PWWP2A: variants seen among roughly 807,000 people sequenced by gnomAD.
The protein encoded by PWWP2A is PWWP domain containing 2A, also known as PWWP domain-containing protein 2A.
In PWWP2A, 18 loss-of-function variants were observed where a neutral mutation model predicts 48.5. The observed-to-expected ratio is 0.37, with a 90% CI of 0.26 to 0.55. PWWP2A has a LOEUF of 0.55. PWWP2A is among the 20% of genes least tolerant of loss of function. The pLI is 0.81. For missense variants in PWWP2A, 867 were observed against 976.4 expected (o/e 0.89, Z 1.49); for synonymous variants, 396 against 387.7 (o/e 1.02, Z -0.25).
Position 160,078,215 on chromosome 5 carries a change from A to C in PWWP2A, c.1670-47T>G. ...GAAGAAAATGTCGTTAAGCACAAGT[A>C]ATTATATGAGGAAAATGATGTCCTT... On this transcript the variant is annotated intron_variant, in intron 3 of 3. Transcript: ENST00000456329. The surrounding 1 kb of genome is among the most constrained non-coding windows in gnomAD (Gnocchi z 4.2). The C allele has an allele frequency of 7.0e-7, 1 of 1,435,232 alleles. No individual in the cohort carries two copies. The highest frequency in any genetic ancestry group is 9.6e-7 in the Non-Finnish European group (1 of 1,041,432). The allele number at this position is 1,435,232 out of a possible 1,614,324, so 88.9% of individuals were successfully genotyped here. A position where few individuals can be genotyped will look rare whatever the true frequency, so the allele number is the denominator to read the frequency against.
At chr5:160,045,509 C>CACAT in the PWWP2A span, among the ~76,000 whole-genome samples, 1 of 76,092 alleles carries the variant, frequency 1.3e-5, no homozygotes, top group Non-Finnish European at 2.6e-5. Flanking sequence ...CACACACACA[C>CACAT]ACACATACAC....
intron 2 of PWWP2A, among the ~76,000 whole-genome samples, chr5:160,084,961 A>G (rs1754512694): frequency 6.6e-6 from 1 of 151,890 alleles, no homozygotes; most frequent in Non-Finnish European, 1.5e-5. Flanking sequence ...GTACAAAATT[A>G]CCTTAAATAG....
chr5:160,050,863 C>T, the PWWP2A span, among the ~76,000 whole-genome samples: 11 of 152,038 alleles, frequency 7.2e-5, no homozygotes, highest in African/African-American at 2.2e-4. Flanking sequence ...TGAGCTCAAG[C>T]GATCCTCCCA....
rs968133506 is a variant in PWWP2A, at chr5:160,092,300, G to A, written c.*82C>T. On this transcript the variant is annotated 3_prime_UTR_variant, in exon 2 of 2. Transcript: ENST00000307063. ...CAACTTCTCTCTCCAATCTGGCCAC[G>A]CTATTTTGTAGAAATTATTCCTAAC... is the stretch of plus-strand genomic sequence containing the variant. 26 of 1,449,744 alleles carry A rather than the reference G, an allele frequency of 1.8e-5. No homozygotes were observed. Among genetic ancestry groups the A allele is most frequent in the Admixed American group, 2.8e-5 (1 of 35,326 alleles). 89.8% of individuals were successfully genotyped at this position (1,449,744 alleles called of 1,614,324 possible). A position where few individuals can be genotyped will look rare whatever the true frequency, so the allele number is the denominator to read the frequency against.
chr5:160,118,006 A>G, intron 1 of PWWP2A: 2 of 394,662 alleles, frequency 5.1e-6, no homozygotes, highest in Non-Finnish European at 6.9e-6. Flanking sequence ...GCCCAAAAAC[A>G]TTTTAAATCA....
chr5:160,049,942 G>A, the PWWP2A span, among the ~76,000 whole-genome samples: 1 of 151,968 alleles, frequency 6.6e-6, no homozygotes, highest in Admixed American at 6.6e-5. Context: ...AGCCGGGTGT[G>A]GTCGTACACA....
the PWWP2A span, among the ~76,000 whole-genome samples, chr5:160,048,502 G>A: frequency 6.6e-6 from 1 of 152,122 alleles, no homozygotes; most frequent in African/African-American, 2.4e-5. Context: ...GAAATTAGAA[G>A]AAATGCAGTA....
At chr5:160,118,252 T>C (rs867771161) in intron 1 of PWWP2A, among the ~76,000 whole-genome samples, 5 of 152,236 alleles carry the variant, frequency 3.3e-5, no homozygotes, top group Non-Finnish European at 7.3e-5. Context: ...GAATGACTTC[T>C]AACCGTAAGA....
At chr5:160,114,831 A>G (rs1380142279) in intron 1 of PWWP2A, among the ~76,000 whole-genome samples, 10 of 151,442 alleles carry the variant, frequency 6.6e-5, no homozygotes, top group Admixed American at 6.6e-4. Flanking sequence ...CCCCATCTCT[A>G]CAAAAAATTT....
chr5:160,109,766 AAAAAAAAAATATATATAT>A (rs1389186969), intron 1 of PWWP2A, among the ~76,000 whole-genome samples: 17 of 47,514 alleles, frequency 3.6e-4, no homozygotes, highest in African/African-American at 1.1e-3. Context: ...GGAAAAAAAA[AAAAAAAAAATATATATAT>A]ATATATATAT....
At chr5:160,075,692 A>C (rs79585923), downstream of PWWP2A, among the ~76,000 whole-genome samples, 4 of 27,556 alleles carry the variant, frequency 1.5e-4, no homozygotes, top group Admixed American at 6.3e-4. Flanking sequence ...CTTCGTCATA[A>C]AGAGGTCCCA....
At chr5:160,083,247 A>G (rs569841045) in intron 2 of PWWP2A, among the ~76,000 whole-genome samples, 1 of 152,338 alleles carries the variant, frequency 6.6e-6, no homozygotes, top group Admixed American at 6.5e-5. Context: ...TGCCACACTC[A>G]GCCAGATTCC....
chr5:160,045,454 CCACACACACACACACACACA>C, the PWWP2A span, among the ~76,000 whole-genome samples: 59 of 38,902 alleles, frequency 1.5e-3, no homozygotes, highest in South Asian at 5.0e-3. Flanking sequence ...CCCCCACCCT[CCACACACACACACACACACA>C]CACACACACA....
Position 160,119,059 on chromosome 5 carries a change from C to T in PWWP2A, c.330G>A (p.Gly110=). ...ATGCAGGAGAAGGTGGAAGTTCCGG[C>T]CCTCCCTGAGGCGCGGCTGCCGCCG... ...AESAAAAPQG[G]PELPPSPASP... is the part of the protein sequence containing the mutation. The change falls in exon 1 of 2, where the codon GGG becomes GGA. Residue 110 remains glycine (G), a synonymous_variant. Transcript: ENST00000307063. 1.3e-6 allele frequency: 2 copies of T among 1,592,122 alleles called. No homozygotes were observed. The highest frequency in any genetic ancestry group is 8.5e-7 in the Non-Finnish European group (1 of 1,176,444).
At chr5:160,103,991 G>A (rs1265175570) in intron 1 of PWWP2A, among the ~76,000 whole-genome samples, 1 of 151,834 alleles carries the variant, frequency 6.6e-6, no homozygotes, top group Non-Finnish European at 1.5e-5. Flanking sequence ...GGGCCTGGCG[G>A]TGTGCATCCA....
downstream of PWWP2A, chr5:160,089,834 A>G (rs1281600633): frequency 3.0e-6 from 3 of 985,294 alleles, no homozygotes; most frequent in East Asian, 1.1e-4. Flanking sequence ...CATATCAAGA[A>G]TAAGTGCCTT....
In PWWP2A at chr5:160,077,132, G is replaced by C. The variant is rs966271500; in HGVS notation, c.*1023C>G. ...GTAAGAATTCATGCTCCATGCATGA[G>C]AAGTTTGACACTGTTTTAAAGGATC... On this transcript the variant is annotated 3_prime_UTR_variant, in exon 4 of 4. Transcript: ENST00000456329. The surrounding 1 kb of genome is among the most constrained non-coding windows in gnomAD (Gnocchi z 4.2). 6.6e-6 allele frequency: 1 copy of C among 152,126 alleles called. No homozygotes were observed. The highest frequency in any genetic ancestry group is 1.5e-5 in the Non-Finnish European group (1 of 68,020). 9.4% of individuals were successfully genotyped at this position (152,126 alleles called of 1,614,324 possible).
chr5:160,090,627 C>T (rs1196363703), downstream of PWWP2A: 1 of 985,080 alleles, frequency 1.0e-6, no homozygotes, highest in Non-Finnish European at 1.2e-6. Flanking sequence ...TGCAAAAATT[C>T]GCAATCAGTC....
rs60410116 is a variant in PWWP2A at position 160,079,437 on chromosome 5, G to GA, written c.1669+1213dup. ...AAGATGAATGTAGTCCTTGCTTCTG[G>GA]AAAAAAAAAAAATGATTTACACTGT... On this transcript the variant is annotated intron_variant, in intron 3 of 3. Coordinates refer to the PWWP2A transcript ENST00000456329. 2.5e-3 allele frequency among the ~76,000 whole-genome samples: 358 copies of GA among 142,840 alleles called. 1 individual carries two copies. The highest frequency in any genetic ancestry group is 7.0e-3 in the African/African-American group (273 of 39,180). 93.7% of individuals were successfully genotyped at this position (142,840 alleles called of 152,430 possible). A position where few individuals can be genotyped will look rare whatever the true frequency, so the allele number is the denominator to read the frequency against.
Sources: allele counts gnomAD v4.1 joint callset (sites outside exome capture counted in the v4.1 genomes callset), GRCh38; gene constraint gnomAD v4.1.1; non-coding constraint Gnocchi (gnomAD v3.1); transcripts MANE v1.5; gene names NCBI Gene and HGNC (gene_info 2026-07-23, HGNC 2026-07-21).